The following RALYL variants were observed in gnomAD, a reference collection of about 807,000 sequenced individuals.
RALYL encodes RALY RNA binding protein like, also known as RNA-binding Raly-like protein.
Under a neutral mutation model 35.1 loss-of-function variants are expected in RALYL, and 29 were observed. The observed-to-expected ratio is 0.83, with a 90% CI of 0.61 to 1.13. The LOEUF (loss-of-function observed/expected upper bound fraction) is 1.13, where lower values mean the gene tolerates loss of function less well. Ranked by LOEUF, RALYL falls within the 50% of genes most tolerant of loss-of-function variation. RALYL has a pLI of 0.00. For synonymous variants in RALYL, 120 were observed against 127.6 expected, an observed-to-expected ratio of 0.94 and a Z score of 0.40; for missense variants, 359 against 360.4, an observed-to-expected ratio of 1.00 and a Z score of 0.03.
chr8:84,778,729 A>T (rs944192813), intron 3 of RALYL, among the ~76,000 whole-genome samples: 2 of 152,174 alleles, frequency 1.3e-5, no homozygotes. Context: ...CAGGTTAAGG[A>T]GAGCTGACTT....
chr8:84,862,864 A>T (rs1218742274), intron 6 of RALYL, among the ~76,000 whole-genome samples: 2 of 152,324 alleles, frequency 1.3e-5, no homozygotes, highest in East Asian at 3.9e-4. Flanking sequence ...TTGAGCAATT[A>T]AGAGAGGCAA....
rs1369469929 is a variant in RALYL at position 84,799,963 on chromosome 8, A to G, written c.333-4807A>G. ...CAACAGAGCAAGACTCTGTCTCAAA[A>G]ATAAATAAATAAATAAAATAAGGGA... On this transcript the variant is annotated intron_variant, in intron 3 of 8. Coordinates refer to ENST00000521268, the MANE Select transcript of RALYL (RefSeq NM_173848.7). 3.9e-5 allele frequency among the ~76,000 whole-genome samples: 6 copies of G among 152,182 alleles called. No individual in the cohort carries two copies. In the East Asian group the frequency reaches 1.2e-3, roughly 29 times the overall value.
At chr8:84,296,610 T>TTC (rs1260687194) in intron 1 of RALYL, among the ~76,000 whole-genome samples, 7 of 150,028 alleles carry the variant, frequency 4.7e-5, no homozygotes, top group Non-Finnish European at 8.9e-5. Flanking sequence ...GGAGACATCT[T>TTC]TCTCTCTCTT....
At chr8:84,383,411 G>A (rs1858433349) in intron 1 of RALYL, among the ~76,000 whole-genome samples, 2 of 151,684 alleles carry the variant, frequency 1.3e-5, no homozygotes, top group South Asian at 4.1e-4. Flanking sequence ...CATAAATGGA[G>A]CAAGACATTG....
At chr8:84,670,103 T>C (rs1832913879) in intron 2 of RALYL, among the ~76,000 whole-genome samples, 1 of 151,974 alleles carries the variant, frequency 6.6e-6, no homozygotes, top group Non-Finnish European at 1.5e-5. Flanking sequence ...AGGCATCTTC[T>C]CTGACTATTT....
chr8:84,377,465 T>TTG, intron 1 of RALYL, among the ~76,000 whole-genome samples: 1 of 149,038 alleles, frequency 6.7e-6, no homozygotes, highest in East Asian at 2.0e-4. Flanking sequence ...TTTTTTTTTT[T>TTG]TTTTTTTTTT....
intron 6 of RALYL, among the ~76,000 whole-genome samples, chr8:84,869,340 T>G (rs1839764212): frequency 6.6e-6 from 1 of 151,668 alleles, no homozygotes; most frequent in African/African-American, 2.4e-5. Flanking sequence ...TTAAGTGATA[T>G]GCAAATTTTA....
chr8:84,883,931 G>A (rs777779938), intron 7 of RALYL, among the ~76,000 whole-genome samples: 9 of 152,050 alleles, frequency 5.9e-5, no homozygotes, highest in East Asian at 1.9e-4. Context: ...CTTTTTCTTC[G>A]TTAGAGCACA....
chr8:84,666,775 CA>C (rs1832149245), intron 2 of RALYL, among the ~76,000 whole-genome samples: 1 of 151,962 alleles, frequency 6.6e-6, no homozygotes, highest in African/African-American at 2.4e-5. Context: ...CCAGATTTAG[CA>C]AGAAGAAAAT....
chr8:84,359,223 T>G (rs996258368), intron 1 of RALYL, among the ~76,000 whole-genome samples: 3 of 138,250 alleles, frequency 2.2e-5, no homozygotes, highest in Admixed American at 7.5e-5. Context: ...TATAGGTATT[T>G]AAATTATTTT....
chr8:84,447,769 C>T (rs982272346), intron 1 of RALYL, among the ~76,000 whole-genome samples: 2 of 151,978 alleles, frequency 1.3e-5, no homozygotes, highest in African/African-American at 4.8e-5. Context: ...TAACGTGGTA[C>T]TTTATTTGGG....
At chr8:84,544,633 T>C (rs2060235391) in intron 2 of RALYL, among the ~76,000 whole-genome samples, 1 of 152,106 alleles carries the variant, frequency 6.6e-6, no homozygotes, top group African/African-American at 2.4e-5. Context: ...GTATGCTCTT[T>C]CATATTTTAC....
At chr8:84,743,268 T>C (rs1476880244) in intron 2 of RALYL, among the ~76,000 whole-genome samples, 2 of 151,920 alleles carry the variant, frequency 1.3e-5, no homozygotes, top group Non-Finnish European at 2.9e-5. Flanking sequence ...TGGAGAAGTT[T>C]TTCGTTCTGT....
At chr8:84,285,416 C>A (rs752669038) in intron 1 of RALYL, among the ~76,000 whole-genome samples, 2 of 152,000 alleles carry the variant, frequency 1.3e-5, no homozygotes, top group Non-Finnish European at 2.9e-5. Context: ...GTAAGATATG[C>A]ACATCTTCCA....
intron 1 of RALYL, among the ~76,000 whole-genome samples, chr8:84,217,991 A>G (rs764930941): frequency 6.6e-6 from 1 of 151,884 alleles, no homozygotes; most frequent in East Asian, 1.9e-4. Context: ...AACATTTAAG[A>G]TTTTTTTTCT....
intron 1 of RALYL, among the ~76,000 whole-genome samples, chr8:84,411,328 G>T (rs189187099): frequency 1.4e-3 from 208 of 151,902 alleles, no homozygotes; most frequent in African/African-American, 4.5e-3. Context: ...GTGTTTTACA[G>T]TATTTTATTT....
chr8:84,352,020 C>G (rs1850993453), intron 1 of RALYL, among the ~76,000 whole-genome samples: 1 of 150,226 alleles, frequency 6.7e-6, no homozygotes, highest in Non-Finnish European at 1.5e-5. Context: ...CTGAATCTTA[C>G]CCCACATTGG....
intron 1 of RALYL, among the ~76,000 whole-genome samples, chr8:84,419,005 A>T (rs2045093162): frequency 1.3e-5 from 2 of 151,798 alleles, no homozygotes; most frequent in Non-Finnish European, 2.9e-5. Flanking sequence ...TCTCTCTTTA[A>T]TAGAATTGTT....
intron 1 of RALYL, among the ~76,000 whole-genome samples, chr8:84,195,248 A>G (rs552646642): frequency 1.3e-5 from 2 of 152,210 alleles, no homozygotes; most frequent in Admixed American, 6.5e-5. Flanking sequence ...ATTTGGGTCA[A>G]CATGGTGTGA....
Sources: gnomAD v4.1 joint callset for allele counts (sites outside exome capture counted in the v4.1 genomes callset) on GRCh38, gnomAD v4.1.1 for gene constraint, MANE v1.5 for transcripts, NCBI Gene and HGNC (gene_info 2026-07-23, HGNC 2026-07-21) for gene names.